The following PACRGL variants were observed in gnomAD, a reference collection of about 807,000 sequenced individuals.
The protein encoded by PACRGL is PACRG-like protein.
PACRGL carries 38 observed loss-of-function variants against 34.5 expected under a neutral mutation model. The observed-to-expected ratio is 1.10, with a 90% CI of 0.85 to 1.44. The LOEUF (loss-of-function observed/expected upper bound fraction) is 1.44. Among genes scored for constraint, PACRGL ranks in the 40% most tolerant of loss-of-function variants. The probability of loss-of-function intolerance (pLI) is 0.00; values close to 1 mark genes in which losing one functional copy is unlikely to be tolerated. For missense variants in PACRGL, 305 were observed against 281.4 expected (o/e 1.08, Z -0.60); for synonymous variants, 128 against 100.1 (o/e 1.28, Z -1.66).
rs1321886419 is a variant in PACRGL at position 20,728,364 on chromosome 4, G to A, written c.*1023G>A. 1 of 150,490 alleles carries A rather than the reference G, an allele frequency of 6.6e-6. No homozygotes were observed. The highest frequency in any genetic ancestry group is 6.6e-5 in the Admixed American group (1 of 15,040). 9.3% of individuals were successfully genotyped at this position (150,490 alleles called of 1,614,324 possible). ...GTTAAAACTTGTACATGCATTCATTGATTTTGTTGTGCTTATGTTTAGCAA... is the reference window on the plus strand; with the variant it reads ...GTTAAAACTTGTACATGCATTCATTAATTTTGTTGTGCTTATGTTTAGCAA... On this transcript the variant is annotated 3_prime_UTR_variant, in exon 9 of 9. Coordinates refer to ENST00000503585, the MANE Select transcript of PACRGL (RefSeq NM_001258345.3).
downstream of PACRGL, among the ~76,000 whole-genome samples, chr4:20,756,225 A>G (rs908192342): frequency 1.3e-5 from 2 of 152,054 alleles, no homozygotes; most frequent in Non-Finnish European, 2.9e-5. Flanking sequence ...TCTGGCCATA[A>G]TAACAGAGAG....
chr4:20,709,836 A>G lies in PACRGL; in HGVS notation c.366+63A>G. Reference sequence around the variant, plus strand: ...AACATTAAAAATTGCATTAAATGCTACTTTGTAGCTTGTCAGTAAATTTCA... The same window carrying G: ...AACATTAAAAATTGCATTAAATGCTGCTTTGTAGCTTGTCAGTAAATTTCA... On this transcript the variant is annotated intron_variant, in intron 5 of 8. Coordinates refer to ENST00000503585, the MANE Select transcript of PACRGL (RefSeq NM_001258345.3). The G allele has an allele frequency of 2.2e-6, 3 of 1,352,146 alleles. No homozygotes were observed. In the South Asian group the frequency reaches 3.6e-5, roughly 16 times the overall value. The allele number at this position is 1,352,146 out of a possible 1,614,324, so 83.8% of individuals were successfully genotyped here.
chr4:20,766,467 G>A, the PACRGL span, among the ~76,000 whole-genome samples: 1 of 152,186 alleles, frequency 6.6e-6, no homozygotes, highest in South Asian at 2.1e-4. Flanking sequence ...CCAGCAGGCT[G>A]AGGCAGGAGA....
rs1746248546 is a variant in PACRGL, at chr4:20,727,462, G to C, written c.*121G>C. The C allele has an allele frequency of 2.7e-6, 2 of 750,628 alleles. No homozygotes were observed. Among genetic ancestry groups the C allele is most frequent in the East Asian group, 5.2e-5 (2 of 38,292 alleles). 46.5% of individuals were successfully genotyped at this position (750,628 alleles called of 1,614,324 possible). A position where few individuals can be genotyped will look rare whatever the true frequency, so the allele number is the denominator to read the frequency against. On this transcript the variant is annotated 3_prime_UTR_variant, in exon 9 of 9. Coordinates refer to ENST00000503585, the MANE Select transcript of PACRGL (RefSeq NM_001258345.3). ...CACCATTCATTATTTACTAGGTTAA[G>C]ATGAATAGACACTGAATCAAAGTTA...
chr4:20,709,939 T>C (rs1300532015), intron 5 of PACRGL, 166 bp downstream of exon 5: 6 of 536,498 alleles, frequency 1.1e-5, no homozygotes, highest in South Asian at 2.7e-5. Context: ...ATGATTCTTA[T>C]ATAGTTATTT....
At chr4:20,725,386 T>C (rs1456261133) in intron 8 of PACRGL, among the ~76,000 whole-genome samples, 2 of 151,066 alleles carry the variant, frequency 1.3e-5, no homozygotes, top group East Asian at 1.9e-4. Context: ...CGGACACATA[T>C]GCACACACAG....
chr4:20,756,357 CG>C (rs1310649903), downstream of PACRGL, among the ~76,000 whole-genome samples: 1 of 152,152 alleles, frequency 6.6e-6, no homozygotes, highest in Non-Finnish European at 1.5e-5. Flanking sequence ...ACTATCCCAT[CG>C]CATCACTATC....
At chr4:20,733,265 T>G (rs560335995), downstream of PACRGL, among the ~76,000 whole-genome samples, 113 of 152,346 alleles carry the variant, frequency 7.4e-4, no homozygotes, top group African/African-American at 2.6e-3. Flanking sequence ...GTATTTTTCC[T>G]ACTGTGGCTT....
intron 7 of PACRGL, among the ~76,000 whole-genome samples, chr4:20,718,086 T>G (rs901136831): frequency 4.6e-5 from 7 of 152,184 alleles, no homozygotes; most frequent in Non-Finnish European, 2.9e-5. Context: ...TATTTTATTC[T>G]CTTTGAGGCA....
At chr4:20,720,139 T>C (rs1380413273) in intron 7 of PACRGL, among the ~76,000 whole-genome samples, 2 of 152,206 alleles carry the variant, frequency 1.3e-5, no homozygotes, top group Non-Finnish European at 2.9e-5. Flanking sequence ...TATCAGAGAC[T>C]AGGATTGCAA....
chr4:20,713,021 A>G lies in PACRGL; in HGVS notation c.501+99A>G, dbSNP rs1738035507. On this transcript the variant is annotated intron_variant, in intron 6 of 8. Coordinates refer to ENST00000503585, the MANE Select transcript of PACRGL (RefSeq NM_001258345.3). The stretch of plus-strand genomic sequence containing the variant: ...TTGTATGCCTTTTTCCCTCCATATT[A>G]TATGCAAAGTAGTCCTTTATCTGTG... The G allele has an allele frequency of 4.1e-6, 5 of 1,226,708 alleles. No individual in the cohort carries two copies. The Admixed American group carries it at 8.1e-5, about 20-fold the overall frequency. The allele number at this position is 1,226,708 out of a possible 1,614,324, so 76.0% of individuals were successfully genotyped here.
intron 1 of PACRGL, chr4:20,702,092 G>A (rs1578091331): frequency 2.2e-6 from 1 of 448,568 alleles, no homozygotes; most frequent in Non-Finnish European, 4.5e-6. Flanking sequence ...AATGAGTTTT[G>A]GTGACTTTTT....
chr4:20,720,500 C>T (rs1445850050), intron 7 of PACRGL, among the ~76,000 whole-genome samples: 2 of 152,140 alleles, frequency 1.3e-5, no homozygotes, highest in Non-Finnish European at 2.9e-5. Flanking sequence ...GTGTTTCCTT[C>T]AGGAGCTCTT....
chr4:20,714,026 G>T lies in PACRGL; in HGVS notation c.609+487G>T, dbSNP rs949483974. ...ATGTCTATTAGGTCTGCTTGGTGCA[G>T]AGGTGAGTTCAATTCCTGGGTATCC... On this transcript the variant is annotated intron_variant, in intron 7 of 8. Transcript: ENST00000503585. Among the ~76,000 whole-genome samples, 65 of 152,244 alleles carry T rather than the reference G, an allele frequency of 4.3e-4. 1 individual carries two copies. Among genetic ancestry groups the T allele is most frequent in the African/African-American group, 1.5e-3 (63 of 41,522 alleles).
chr4:20,716,161 C>T, intron 7 of PACRGL: 12 of 1,346,796 alleles, frequency 8.9e-6, no homozygotes, highest in African/African-American at 1.4e-5. Context: ...GATGATTTGC[C>T]AGAAGGATCC....
At chr4:20,752,452 CTAT>C (rs1184327003) in intron 8 of PACRGL, 1 of 152,140 alleles carries the variant, frequency 6.6e-6, no homozygotes, top group Non-Finnish European at 1.5e-5. Context: ...TAAATATTAG[CTAT>C]TATTATTTCC....
chr4:20,766,043 G>A, the PACRGL span, among the ~76,000 whole-genome samples: 1 of 152,076 alleles, frequency 6.6e-6, no homozygotes, highest in African/African-American at 2.4e-5. Flanking sequence ...TTAATGTGAT[G>A]ATGACAATGA....
intron 5 of PACRGL, 67 bp from the exon 6 acceptor site, chr4:20,712,721 C>G: frequency 7.7e-7 from 1 of 1,299,846 alleles, no homozygotes; most frequent in East Asian, 2.8e-5. Context: ...CAAGTAAAGA[C>G]TCAATTTTTC....
intron 4 of PACRGL, 81 bp downstream of exon 4, chr4:20,707,951 T>C (rs1034265691): frequency 3.7e-5 from 41 of 1,105,296 alleles, no homozygotes; most frequent in Admixed American, 3.4e-4. Context: ...TTTAAATGTA[T>C]TGTAAGTTTT....
Sources: allele counts gnomAD v4.1 joint callset (sites outside exome capture counted in the v4.1 genomes callset), GRCh38; gene constraint gnomAD v4.1.1; transcripts MANE v1.5; gene names NCBI Gene and HGNC (gene_info 2026-07-23, HGNC 2026-07-21).